Variants in ARHGAP28 observed in about 807,000 individuals in gnomAD.
The protein encoded by ARHGAP28 is Rho GTPase activating protein 28, also known as rho GTPase-activating protein 28.
A neutral mutation model predicts 90.7 loss-of-function variants in ARHGAP28; 56 were observed. That is an observed-to-expected ratio of 0.62 (90% CI 0.50 to 0.77). ARHGAP28 has a LOEUF of 0.77. ARHGAP28 is among the 30% of genes least tolerant of loss of function. ARHGAP28 has a pLI of 0.00. For missense variants in ARHGAP28, 869 were observed against 900.9 expected (o/e 0.96, Z 0.45); for synonymous variants, 308 against 323.3 (o/e 0.95, Z 0.51).
At chr18:6,801,440 G>A (rs2056481138) in intron 1 of ARHGAP28, among the ~76,000 whole-genome samples, 1 of 152,140 alleles carries the variant, frequency 6.6e-6, no homozygotes, top group African/African-American at 2.4e-5. Context: ...TAATATAAGT[G>A]TGCTGACTTT....
At chr18:6,730,633 A>G (rs1443132057) in intron 1 of ARHGAP28, among the ~76,000 whole-genome samples, 1 of 152,210 alleles carries the variant, frequency 6.6e-6, no homozygotes, top group Non-Finnish European at 1.5e-5. Flanking sequence ...AAATTACTCT[A>G]TCAGTGATCA....
At chr18:6,754,037 C>T (rs2056090354) in intron 1 of ARHGAP28, among the ~76,000 whole-genome samples, 1 of 152,126 alleles carries the variant, frequency 6.6e-6, no homozygotes, top group Non-Finnish European at 1.5e-5. Context: ...TTCTTAAAGT[C>T]TACTTATCTC....
chr18:6,854,872 G>A (rs573394794), intron 4 of ARHGAP28, among the ~76,000 whole-genome samples: 74 of 152,292 alleles, frequency 4.9e-4, no homozygotes, highest in Middle Eastern at 3.4e-3. Flanking sequence ...GCCTCTCCCC[G>A]CTCCTGGCTC....
intron 1 of ARHGAP28, among the ~76,000 whole-genome samples, chr18:6,736,124 C>A (rs1042967445): frequency 6.6e-6 from 1 of 152,150 alleles, no homozygotes; most frequent in Admixed American, 6.5e-5. Context: ...CTTGTCACTA[C>A]AATTCACTAA....
chr18:6,753,293 C>T (rs1352159166), intron 1 of ARHGAP28, among the ~76,000 whole-genome samples: 1 of 152,126 alleles, frequency 6.6e-6, no homozygotes, highest in South Asian at 2.1e-4. Context: ...AGATGAGAGC[C>T]ACTGCTCTTG....
intron 1 of ARHGAP28, among the ~76,000 whole-genome samples, chr18:6,786,793 GA>G (rs146916949): frequency 0.047 from 7,052 of 149,014 alleles, 502 homozygotes; most frequent in African/African-American, 0.16. Context: ...TTGCTGTGGG[GA>G]AAAAAAAAAT....
intron 1 of ARHGAP28, among the ~76,000 whole-genome samples, chr18:6,782,064 C>T (rs1372608219): frequency 1.3e-5 from 2 of 151,910 alleles, no homozygotes; most frequent in Non-Finnish European, 2.9e-5. Flanking sequence ...TCTGATTCAT[C>T]AGTCAAGGCC....
At chr18:6,853,959 G>T (rs928976553) in intron 4 of ARHGAP28, among the ~76,000 whole-genome samples, 5 of 152,188 alleles carry the variant, frequency 3.3e-5, no homozygotes, top group African/African-American at 1.2e-4. Flanking sequence ...CCCTGAGACG[G>T]TGTCATGGGC....
intron 4 of ARHGAP28, among the ~76,000 whole-genome samples, chr18:6,853,343 T>C (rs891284334): frequency 1.1e-4 from 16 of 152,102 alleles, no homozygotes; most frequent in African/African-American, 3.9e-4. Context: ...CTGATAAACA[T>C]TTATGGTCTA....
intron 16 of ARHGAP28, among the ~76,000 whole-genome samples, chr18:6,903,227 G>T (rs958508390): frequency 3.3e-5 from 5 of 152,098 alleles, no homozygotes; most frequent in African/African-American, 1.2e-4. Context: ...ACAGATGCTG[G>T]TTATGCTTGT....
At chr18:6,883,330 C>T (rs969228889) in intron 11 of ARHGAP28, among the ~76,000 whole-genome samples, 18 of 151,944 alleles carry the variant, frequency 1.2e-4, no homozygotes, top group East Asian at 3.9e-4. Context: ...CCTCCACCCC[C>T]GGGATTCAAG....
chr18:6,739,297 T>C (rs1350461771), intron 1 of ARHGAP28, among the ~76,000 whole-genome samples: 1 of 152,198 alleles, frequency 6.6e-6, no homozygotes, highest in Non-Finnish European at 1.5e-5. Context: ...GTAGAGGTTA[T>C]AAATATTCAG....
chr18:6,839,529 C>T (rs533819521), intron 3 of ARHGAP28, among the ~76,000 whole-genome samples: 5 of 152,240 alleles, frequency 3.3e-5, no homozygotes, highest in Admixed American at 6.5e-5. Context: ...GATTTCCTGA[C>T]CTCGTGATCC....
chr18:6,861,399 CTTTA>C, intron 5 of ARHGAP28, among the ~76,000 whole-genome samples: 1 of 152,320 alleles, frequency 6.6e-6, no homozygotes, highest in South Asian at 2.1e-4. Context: ...CAGACTTTAG[CTTTA>C]TTCCCTTCAA....
rs2055858008 is a variant in ARHGAP28 at position 6,729,719 on chromosome 18, C to T, written c.-103C>T. ...CCGCGGGAGAGAGCGGCTGGTCGCA[C>T]CTCGGGCCGCGCCGCCCAGCTGCTG... is the stretch of plus-strand genomic sequence containing the variant. On this transcript the variant is annotated 5_prime_UTR_variant, in exon 1 of 18. Transcript: ENST00000383472. The T allele has an allele frequency of 2.5e-6, 3 of 1,220,758 alleles. No homozygotes were observed. The highest frequency in any genetic ancestry group is 6.5e-5 in the East Asian group (2 of 30,942). The allele number at this position is 1,220,758 out of a possible 1,614,324, so 75.6% of individuals were successfully genotyped here.
chr18:6,846,580 G>A (rs971195797), intron 3 of ARHGAP28, among the ~76,000 whole-genome samples: 29 of 151,414 alleles, frequency 1.9e-4, no homozygotes, highest in Middle Eastern at 3.4e-3. Flanking sequence ...ATATTTTTCC[G>A]AAGTGTGCTA....
chr18:6,870,990 T>C (rs183199100), intron 7 of ARHGAP28, among the ~76,000 whole-genome samples: 116 of 152,236 alleles, frequency 7.6e-4, no homozygotes, highest in Admixed American at 1.2e-3. Flanking sequence ...TTGGTAGAGA[T>C]GGGGTTTCAC....
At chr18:6,770,957 A>G (rs745461587) in intron 1 of ARHGAP28, among the ~76,000 whole-genome samples, 1 of 152,226 alleles carries the variant, frequency 6.6e-6, no homozygotes, top group Admixed American at 6.5e-5. Flanking sequence ...TTCAATAATT[A>G]TGAAACTCTT....
rs376040314 is a variant in ARHGAP28, at chr18:6,902,819, C to T, written c.2031-6141C>T. ...GATCCAACAATTCCACCTGTGGGTA[C>T]GTGGCCAAAAAATTGAAAGCAGGGG... On this transcript the variant is annotated intron_variant, in intron 16 of 17. Coordinates refer to ENST00000383472, the MANE Select transcript of ARHGAP28 (RefSeq NM_001366230.1). Among the ~76,000 whole-genome samples, 39 of 152,132 alleles carry T rather than the reference C, an allele frequency of 2.6e-4. No homozygotes were observed. In the East Asian group the frequency reaches 3.7e-3, roughly 14 times the overall value.
Sources: gnomAD v4.1 joint callset for allele counts (sites outside exome capture counted in the v4.1 genomes callset) on GRCh38, gnomAD v4.1.1 for gene constraint, MANE v1.5 for transcripts, NCBI Gene and HGNC (gene_info 2026-07-23, HGNC 2026-07-21) for gene names.